Variants in RYR3 observed in about 807,000 individuals in gnomAD.
RYR3 encodes ryanodine receptor 3.
A neutral mutation model predicts 584.3 loss-of-function variants in RYR3; 207 were observed. The observed-to-expected ratio is 0.35, with a 90% CI of 0.32 to 0.40. The LOEUF (loss-of-function observed/expected upper bound fraction) is 0.40, where lower values mean the gene tolerates loss of function less well. Among genes scored for constraint, RYR3 ranks in the 10% least tolerant of loss-of-function variants. RYR3 has a pLI of 1.00. For missense variants in RYR3, 5,616 were observed against 6,089.2 expected, an observed-to-expected ratio of 0.92 and a Z score of 2.59; for synonymous variants, 2,416 against 2,248.5, an observed-to-expected ratio of 1.07 and a Z score of -2.11.
chr15:33,854,682 G>C, intron 97 of RYR3, 84 bp from the exon 98 acceptor site: 1 of 1,508,386 alleles, frequency 6.6e-7, no homozygotes, highest in Non-Finnish European at 8.9e-7. Flanking sequence ...TCCTCAGTGT[G>C]TCTCCCAAAA....
chr15:33,606,714 T>C (rs896768865), intron 18 of RYR3, among the ~76,000 whole-genome samples: 2 of 152,170 alleles, frequency 1.3e-5, no homozygotes, highest in Non-Finnish European at 2.9e-5. Flanking sequence ...GGAGACTCAA[T>C]GGGGCTTTCA....
intron 1 of RYR3, among the ~76,000 whole-genome samples, chr15:33,439,949 A>C (rs927947475): frequency 6.6e-6 from 1 of 152,206 alleles, no homozygotes; most frequent in African/African-American, 2.4e-5. Flanking sequence ...CAGGTAGATA[A>C]AAACGAATTT....
Position 33,810,481 on chromosome 15 carries a change from T to A in RYR3, c.10029T>A (p.Ser3343=), listed in dbSNP as rs1294820666. 6.2e-7 allele frequency: 1 copy of A among 1,613,988 alleles called. No homozygotes were observed. Among genetic ancestry groups the A allele is most frequent in the South Asian group, 1.1e-5 (1 of 91,078 alleles). Residue 3343 remains serine, a splice_region_variant and synonymous_variant, in exon 71 of 104, where the codon TCT becomes TCA. Coordinates refer to ENST00000634891, the MANE Select transcript of RYR3 (RefSeq NM_001036.6). Reference sequence around the variant, plus strand: ...TTTATTTCAACATCATCTCCTAGTCTGGAGGACAAGACCAGGAGCGGAAGA... The same window carrying A: ...TTTATTTCAACATCATCTCCTAGTCAGGAGGACAAGACCAGGAGCGGAAGA... ...SKMSKAMQVK[S]GGQDQERKKT...
intron 15 of RYR3, among the ~76,000 whole-genome samples, chr15:33,585,756 G>C (rs562130379): frequency 6.6e-6 from 1 of 152,170 alleles, no homozygotes; most frequent in Non-Finnish European, 1.5e-5. Context: ...TCCAGGAAGC[G>C]GGAGATAGGG....
chr15:33,747,923 C>T (rs2070905904), intron 53 of RYR3, among the ~76,000 whole-genome samples, 191 bp from the exon 54 acceptor site: 1 of 152,138 alleles, frequency 6.6e-6, no homozygotes, highest in South Asian at 2.1e-4. Flanking sequence ...ACCGTAGGGT[C>T]TTATATCTAA....
chr15:33,479,316 A>G (rs2049735607), intron 2 of RYR3, among the ~76,000 whole-genome samples: 1 of 152,088 alleles, frequency 6.6e-6, no homozygotes. Flanking sequence ...ATTTGCAGAG[A>G]CAGACTCATC....
At chr15:33,853,002 A>T (rs749240329) in intron 94 of RYR3, 43 bp from the exon 95 acceptor site, 6 of 1,541,346 alleles carry the variant, frequency 3.9e-6, no homozygotes, top group Non-Finnish European at 5.3e-6. Context: ...GTTTTCCTTG[A>T]TGTTAAGAAT....
At chr15:33,579,525 T>A (rs118148513) in intron 12 of RYR3, among the ~76,000 whole-genome samples, 6,618 of 151,620 alleles carry the variant, frequency 0.044, 242 homozygotes, top group Non-Finnish European at 0.061. Context: ...GTTTTTATTT[T>A]AAAAAAAAAT....
In RYR3 at chr15:33,634,977, G is replaced by A. The variant is rs147093676; in HGVS notation, c.3175+244G>A. On this transcript the variant is annotated intron_variant, in intron 25 of 103. Transcript: ENST00000634891. ...TATGACTTATTCCCACAACGAATAG[G>A]TTATCTTCTAGGGTAGCTGAGCTTT... Among the ~76,000 whole-genome samples, 566 of 152,250 alleles carry A rather than the reference G, an allele frequency of 3.7e-3. 6 individuals are homozygous for A. The highest frequency in any genetic ancestry group is 0.013 in the African/African-American group (545 of 41,552).
At chr15:33,688,587 A>G (rs112391481) in intron 38 of RYR3, among the ~76,000 whole-genome samples, 13 of 151,906 alleles carry the variant, frequency 8.6e-5, no homozygotes, top group Admixed American at 2.0e-4. Context: ...AAAAAAAAAA[A>G]AAAAGACATT....
chr15:33,425,249 G>A (rs764124907), intron 1 of RYR3, among the ~76,000 whole-genome samples: 15 of 152,190 alleles, frequency 9.9e-5, no homozygotes, highest in Non-Finnish European at 1.6e-4. Flanking sequence ...CTGTTAATGA[G>A]GCTTTTCAAG....
chr15:33,865,423 A>G lies in RYR3; in HGVS notation c.*197A>G. The G allele has an allele frequency of 1.9e-6, 1 of 520,216 alleles. No homozygotes were observed. The highest frequency in any genetic ancestry group is 3.0e-5 in the East Asian group (1 of 33,354). The allele number at this position is 520,216 out of a possible 1,614,324, so 32.2% of individuals were successfully genotyped here. ...TAATGGACATACACTGTGGGAGAGA[A>G]CCTGTCAAAATGTCGAAGAAGGAAG... On this transcript the variant is annotated 3_prime_UTR_variant, in exon 104 of 104. Transcript: ENST00000634891.
intron 32 of RYR3, among the ~76,000 whole-genome samples, chr15:33,657,819 A>G (rs1033826434): frequency 2.0e-5 from 3 of 152,234 alleles, no homozygotes; most frequent in Non-Finnish European, 2.9e-5. Context: ...TTTGTGTACT[A>G]GAAGGATCAT....
chr15:33,858,174 T>C (rs1415434159), intron 99 of RYR3: 1 of 421,006 alleles, frequency 2.4e-6, no homozygotes, highest in African/African-American at 2.0e-5. Flanking sequence ...AGTGGCGTCA[T>C]CATTCATCTA....
intron 93 of RYR3, chr15:33,847,608 T>G (rs928979708): frequency 6.6e-6 from 1 of 152,340 alleles, no homozygotes; most frequent in Non-Finnish European, 1.5e-5. Context: ...TCCAATCCCT[T>G]TCTGTGTTCC....
intron 32 of RYR3, among the ~76,000 whole-genome samples, chr15:33,657,024 C>T (rs1287836191): frequency 6.6e-6 from 1 of 152,182 alleles, no homozygotes; most frequent in African/African-American, 2.4e-5. Context: ...CCAGGGGTCC[C>T]AGAGGGCCTT....
intron 10 of RYR3, among the ~76,000 whole-genome samples, chr15:33,561,565 T>G (rs950940451): frequency 2.0e-5 from 3 of 152,186 alleles, no homozygotes; most frequent in African/African-American, 7.2e-5. Flanking sequence ...CTTAGAACAT[T>G]GTACTGAGCA....
intron 3 of RYR3, among the ~76,000 whole-genome samples, chr15:33,521,352 G>A (rs531005549): frequency 6.6e-6 from 1 of 152,060 alleles, no homozygotes; most frequent in East Asian, 1.9e-4. Flanking sequence ...TCATCCTTTT[G>A]TTCTGAAATA....
At position 33,663,713 on chromosome 15, in the gene RYR3, G is replaced by A; in HGVS notation, c.5595G>A (p.Glu1865=). The change falls in exon 36 of 104, where the codon GAG becomes GAA. Residue 1865 remains glutamate (E), a synonymous_variant. Transcript: ENST00000634891. ...SAALTARKTK[E]FRSPPQEQIN... The stretch of plus-strand genomic sequence containing the variant: ...CCCTGACTGCCCGGAAGACCAAGGA[G>A]TTCCGCTCACCCCCACAGGAGCAGG... The A allele has an allele frequency of 6.2e-7, 1 of 1,609,190 alleles. No individual in the cohort carries two copies. Among genetic ancestry groups the A allele is most frequent in the Middle Eastern group, 2.0e-4 (1 of 5,030 alleles).
Sources: gnomAD v4.1 joint callset for allele counts (sites outside exome capture counted in the v4.1 genomes callset) on GRCh38, gnomAD v4.1.1 for gene constraint, MANE v1.5 for transcripts, NCBI Gene and HGNC (gene_info 2026-07-23, HGNC 2026-07-21) for gene names.